The following MAML3 variants were observed in gnomAD, a reference collection of about 807,000 sequenced individuals.
The protein encoded by MAML3 is mastermind-like protein 3.
A neutral mutation model predicts 101.9 loss-of-function variants in MAML3; 27 were observed. The ratio of observed to expected loss-of-function variants is 0.27; its 90% CI spans 0.20 to 0.37. The LOEUF is 0.37. MAML3 is among the 10% of genes least tolerant of loss of function. The pLI is 1.00. For missense variants in MAML3, 1,316 were observed against 1,444.9 expected, an observed-to-expected ratio of 0.91 and a Z score of 1.45; for synonymous variants, 501 against 555.9, an observed-to-expected ratio of 0.90 and a Z score of 1.39.
chr4:139,964,692 T>C (rs6824041), intron 1 of MAML3, among the ~76,000 whole-genome samples: 6,596 of 152,208 alleles, frequency 0.043, 475 homozygotes, highest in African/African-American at 0.15. Context: ...CAAACAATGG[T>C]CCTTTTACTT....
chr4:140,029,412 T>A (rs912988460), intron 1 of MAML3, among the ~76,000 whole-genome samples: 2 of 152,196 alleles, frequency 1.3e-5, no homozygotes, highest in Non-Finnish European at 2.9e-5. Flanking sequence ...ATGCTCACAT[T>A]TGGATTTAAG....
intron 1 of MAML3, among the ~76,000 whole-genome samples, chr4:140,010,437 T>C (rs1726531242): frequency 6.6e-6 from 1 of 152,254 alleles, no homozygotes; most frequent in Admixed American, 6.5e-5. Flanking sequence ...ATATGTATAT[T>C]TGTTGGTATA....
At chr4:140,145,550 T>G (rs1729044801) in intron 1 of MAML3, among the ~76,000 whole-genome samples, 1 of 129,954 alleles carries the variant, frequency 7.7e-6, no homozygotes, top group Non-Finnish European at 1.7e-5. Context: ...CTTTTGAGAT[T>G]TTTTTGTTTT....
At chr4:139,782,968 C>A (rs537516571) in intron 2 of MAML3, among the ~76,000 whole-genome samples, 1 of 152,246 alleles carries the variant, frequency 6.6e-6, no homozygotes, top group South Asian at 2.1e-4. Context: ...TGGCTTTAGG[C>A]TGCCTATTTT....
At chr4:139,996,413 G>A (rs924971260) in intron 1 of MAML3, among the ~76,000 whole-genome samples, 2 of 151,952 alleles carry the variant, frequency 1.3e-5, no homozygotes, top group Admixed American at 1.3e-4. Context: ...CTTCAGTTCT[G>A]TGTGTTTCTG....
chr4:139,966,034 A>G (rs1294188035), intron 1 of MAML3, among the ~76,000 whole-genome samples: 1 of 152,226 alleles, frequency 6.6e-6, no homozygotes, highest in Non-Finnish European at 1.5e-5. Context: ...GTCTTTTTCC[A>G]TCAGCAAAAG....
rs926076247 is a variant in MAML3, at chr4:139,840,061, A to G, written c.2079+49296T>C. Among the ~76,000 whole-genome samples the G allele has an allele frequency of 6.6e-5, 10 of 152,346 alleles. No individual in the cohort carries two copies. In the South Asian group the frequency reaches 2.1e-3, roughly 32 times the overall value. On this transcript the variant is annotated intron_variant, in intron 2 of 4. Coordinates refer to ENST00000509479, the MANE Select transcript of MAML3 (RefSeq NM_018717.5). Reference sequence around the variant, plus strand: ...CTTCTGTATAAGTCTGTATATCACCATGACCATCTCTGTCTTCCTGTGCAT... The same window carrying G: ...CTTCTGTATAAGTCTGTATATCACCGTGACCATCTCTGTCTTCCTGTGCAT...
chr4:140,080,305 A>C (rs1009929060), intron 1 of MAML3, among the ~76,000 whole-genome samples: 2 of 152,226 alleles, frequency 1.3e-5, no homozygotes, highest in African/African-American at 4.8e-5. Flanking sequence ...TCATTTAACC[A>C]TCACAGACAG....
intron 1 of MAML3, among the ~76,000 whole-genome samples, chr4:140,119,338 A>T (rs1470387985): frequency 1.3e-5 from 2 of 152,178 alleles, no homozygotes; most frequent in African/African-American, 4.8e-5. Flanking sequence ...AGGAACCCAG[A>T]TTCAGCCATT....
chr4:139,953,093 G>A (rs1733858221), intron 1 of MAML3, among the ~76,000 whole-genome samples: 1 of 152,172 alleles, frequency 6.6e-6, no homozygotes, highest in African/African-American at 2.4e-5. Flanking sequence ...TGACATAGAT[G>A]TTAAACGTGG....
At chr4:139,795,777 G>A (rs1231815952) in intron 2 of MAML3, among the ~76,000 whole-genome samples, 3 of 152,148 alleles carry the variant, frequency 2.0e-5, no homozygotes, top group Non-Finnish European at 2.9e-5. Context: ...TGCAACATGC[G>A]GTAGTACCAT....
Position 140,060,365 on chromosome 4 carries a change from C to CAAAAAA in MAML3, c.468+92489_468+92494dup, listed in dbSNP as rs70943471. On this transcript the variant is annotated intron_variant, in intron 1 of 4. Transcript: ENST00000509479. Reference sequence around the variant, plus strand: ...TGGGCGACAGAGTAAGACTCTGTCTCAAAAAAAAAAAAAAAAAAAAGTCAC... The same window carrying CAAAAAA: ...TGGGCGACAGAGTAAGACTCTGTCTCAAAAAAAAAAAAAAAAAAAAAAAAAAGTCAC... Among the ~76,000 whole-genome samples, 7 of 19,124 alleles carry CAAAAAA rather than the reference C, an allele frequency of 3.7e-4. 1 individual carries two copies. The highest frequency in any genetic ancestry group is 3.7e-4 in the Non-Finnish European group (4 of 10,742). The allele number at this position is 19,124 out of a possible 152,430, so 12.5% of individuals were successfully genotyped here. A position where few individuals can be genotyped will look rare whatever the true frequency, so the allele number is the denominator to read the frequency against.
chr4:140,123,926 A>G (rs1728647174), intron 1 of MAML3, among the ~76,000 whole-genome samples: 1 of 152,214 alleles, frequency 6.6e-6, no homozygotes, highest in Non-Finnish European at 1.5e-5. Flanking sequence ...GCAGCTTCAC[A>G]ACAAATAACA....
intron 1 of MAML3, among the ~76,000 whole-genome samples, chr4:140,034,298 AGATAGT>A (rs1258881237): frequency 6.6e-6 from 1 of 152,210 alleles, no homozygotes; most frequent in African/African-American, 2.4e-5. Context: ...ATCTGATGTG[AGATAGT>A]CTGGTTGTGA....
chr4:139,763,420 A>C (rs1310624018), intron 2 of MAML3, among the ~76,000 whole-genome samples: 1 of 152,194 alleles, frequency 6.6e-6, no homozygotes, highest in East Asian at 1.9e-4. Flanking sequence ...AGCAACGAGA[A>C]GTACGGAGCT....
chr4:140,110,681 C>T (rs1226794013), intron 1 of MAML3, among the ~76,000 whole-genome samples: 2 of 152,136 alleles, frequency 1.3e-5, no homozygotes, highest in Admixed American at 6.5e-5. Flanking sequence ...AAGCAAACTA[C>T]AAAAAGCAAA....
At chr4:140,061,089 G>A (rs73857923) in intron 1 of MAML3, among the ~76,000 whole-genome samples, 3,363 of 152,268 alleles carry the variant, frequency 0.022, 112 homozygotes, top group African/African-American at 0.076. Context: ...GGACTTCTAC[G>A]TGGTCCCCAC....
intron 1 of MAML3, among the ~76,000 whole-genome samples, chr4:140,143,255 C>T (rs1729004683): frequency 6.6e-6 from 1 of 152,216 alleles, no homozygotes; most frequent in Non-Finnish European, 1.5e-5. Flanking sequence ...CAACGTGCAA[C>T]AGTTGCTCAG....
chr4:139,817,689 A>G (rs1212737046), intron 2 of MAML3, among the ~76,000 whole-genome samples: 1 of 152,216 alleles, frequency 6.6e-6, no homozygotes, highest in Non-Finnish European at 1.5e-5. Context: ...ATGCTTTAAA[A>G]TGATCCTATC....
Sources: gnomAD v4.1 joint callset for allele counts (sites outside exome capture counted in the v4.1 genomes callset) on GRCh38, gnomAD v4.1.1 for gene constraint, MANE v1.5 for transcripts, NCBI Gene and HGNC (gene_info 2026-07-23, HGNC 2026-07-21) for gene names.